THADA: variants seen among roughly 807,000 people sequenced by gnomAD.
THADA encodes the protein THADA armadillo repeat containing.
Under a neutral mutation model 219.8 loss-of-function variants are expected in THADA, and 213 were observed. The ratio of observed to expected loss-of-function variants is 0.97; its 90% CI spans 0.87 to 1.09. The LOEUF (loss-of-function observed/expected upper bound fraction) is 1.09. Among genes scored for constraint, THADA ranks in the 50% least tolerant of loss-of-function variants. The pLI, the probability that THADA is intolerant of heterozygous loss-of-function variation, is 0.00. For synonymous variants in THADA, 1,018 were observed against 828.9 expected, an observed-to-expected ratio of 1.23 and a Z score of -3.92; for missense variants, 2,956 against 2,311.3, an observed-to-expected ratio of 1.28 and a Z score of -5.72.
chr2:43,534,732 G>C (rs1482052089), intron 21 of THADA, among the ~76,000 whole-genome samples: 1 of 152,120 alleles, frequency 6.6e-6, no homozygotes, highest in African/African-American at 2.4e-5. Context: ...GGACACCCAG[G>C]TTGATTACGT....
At chr2:43,294,076 T>C (rs936876818) in intron 31 of THADA, among the ~76,000 whole-genome samples, 1 of 152,256 alleles carries the variant, frequency 6.6e-6, no homozygotes, top group African/African-American at 2.4e-5. Context: ...TTGTACTCAG[T>C]ACTTAAGCCA....
chr2:43,257,386 G>A (rs1319174065), intron 36 of THADA, among the ~76,000 whole-genome samples: 2 of 152,240 alleles, frequency 1.3e-5, no homozygotes, highest in Admixed American at 6.5e-5. Context: ...CTGCATAGGA[G>A]TCAGGCAATC....
Position 43,480,273 on chromosome 2 carries a change from G to C in THADA, c.3836+4961C>G, listed in dbSNP as rs71420053. Among the ~76,000 whole-genome samples, 1,346 of 152,254 alleles carry C rather than the reference G, an allele frequency of 8.8e-3. 11 individuals are homozygous for C. Among genetic ancestry groups the C allele is most frequent in the Middle Eastern group, 0.027 (8 of 294 alleles). On this transcript the variant is annotated intron_variant, in intron 26 of 37. Transcript: ENST00000405975. ...CGGCTAAGTTAGACATGTATAAAGG[G>C]TCTGGCATGGCCCACGCACTAAAGA...
intron 30 of THADA, among the ~76,000 whole-genome samples, chr2:43,334,269 G>T (rs917368268): frequency 2.0e-5 from 3 of 152,092 alleles, no homozygotes; most frequent in Non-Finnish European, 4.4e-5. Context: ...TGAGGGGGAT[G>T]GAGAAGCAGA....
chr2:43,353,523 C>T (rs868850676), intron 29 of THADA, among the ~76,000 whole-genome samples: 2 of 152,100 alleles, frequency 1.3e-5, no homozygotes, highest in South Asian at 2.1e-4. Context: ...GTTCGTTGCC[C>T]ATTTTTAAAT....
chr2:43,235,115 G>C (rs987206256), intron 36 of THADA, among the ~76,000 whole-genome samples: 1 of 151,334 alleles, frequency 6.6e-6, no homozygotes, highest in African/African-American at 2.4e-5. Context: ...GAGTAACTGG[G>C]ATTACAGGCT....
chr2:43,281,218 G>A (rs1360851287), intron 35 of THADA, among the ~76,000 whole-genome samples: 4 of 152,064 alleles, frequency 2.6e-5, no homozygotes, highest in African/African-American at 7.2e-5. Flanking sequence ...TTGGGGTTTC[G>A]TTCTCTTCTT....
chr2:43,351,528 T>G (rs914897462), intron 29 of THADA, among the ~76,000 whole-genome samples: 1 of 152,220 alleles, frequency 6.6e-6, no homozygotes, highest in African/African-American at 2.4e-5. Flanking sequence ...ACTCACTGTT[T>G]TTCTCTTCAG....
chr2:43,273,464 G>A (rs1672362181), intron 36 of THADA, among the ~76,000 whole-genome samples: 1 of 152,136 alleles, frequency 6.6e-6, no homozygotes, highest in Admixed American at 6.5e-5. Flanking sequence ...GCCAGGCTCT[G>A]GCACCACAGA....
rs1041526971 is a variant in THADA, at chr2:43,291,628, C to T, written c.5010+68G>A. The T allele has an allele frequency of 2.9e-5, 36 of 1,261,626 alleles. No homozygotes were observed. In the East Asian group the frequency reaches 6.7e-4, roughly 24 times the overall value. The allele number at this position is 1,261,626 out of a possible 1,614,324, so 78.2% of individuals were successfully genotyped here. On this transcript the variant is annotated intron_variant, in intron 34 of 37. Coordinates refer to ENST00000405975, the MANE Select transcript of THADA (RefSeq NM_022065.5). ...TGCCTGCTAAGACTGTTCACTTTTA[C>T]TGACATCTTCTGAGTAAATGAGAAC...
chr2:43,509,425 A>G (rs1008663202), intron 22 of THADA, among the ~76,000 whole-genome samples: 1 of 152,236 alleles, frequency 6.6e-6, no homozygotes, highest in Non-Finnish European at 1.5e-5. Context: ...ATGCCCTACT[A>G]GACTGTATAA....
At chr2:43,593,927 C>G (rs993783368) in intron 1 of THADA, among the ~76,000 whole-genome samples, 1 of 152,164 alleles carries the variant, frequency 6.6e-6, no homozygotes, top group African/African-American at 2.4e-5. Context: ...GCCACCGCGC[C>G]CAGCCTTAGA....
rs569498524 is a variant in THADA at position 43,535,125 on chromosome 2, C to A, written c.3264+6034G>T. ...TTGAACATTTTTTCATATATTTGTT[C>A]GTCATTTCTGTTTTTGAGAAATGTC... On this transcript the variant is annotated intron_variant, in intron 21 of 37. Coordinates refer to ENST00000405975, the MANE Select transcript of THADA (RefSeq NM_022065.5). 1.1e-3 allele frequency among the ~76,000 whole-genome samples: 137 copies of A among 129,092 alleles called. 1 individual carries two copies. Among genetic ancestry groups the A allele is most frequent in the Non-Finnish European group, 2.1e-3 (124 of 59,996 alleles). 84.7% of individuals were successfully genotyped at this position (129,092 alleles called of 152,430 possible).
At chr2:43,423,769 T>C (rs887043277) in intron 28 of THADA, among the ~76,000 whole-genome samples, 2 of 152,134 alleles carry the variant, frequency 1.3e-5, no homozygotes, top group African/African-American at 2.4e-5. Flanking sequence ...TGTGGTTACC[T>C]AGAGCTCTTT....
At chr2:43,455,809 A>G (rs1682923921) in intron 26 of THADA, among the ~76,000 whole-genome samples, 1 of 152,192 alleles carries the variant, frequency 6.6e-6, no homozygotes, top group Non-Finnish European at 1.5e-5. Context: ...CTTCTTCTCA[A>G]TTCAGCTATG....
At chr2:43,571,247 CTA>C (rs1439327430) in intron 13 of THADA, among the ~76,000 whole-genome samples, 3 of 144,072 alleles carry the variant, frequency 2.1e-5, no homozygotes, top group Non-Finnish European at 4.5e-5. Context: ...CAGAGCAAGA[CTA>C]TTTTTTTTTT....
At chr2:43,320,679 A>C (rs183239521) in intron 30 of THADA, 139 bp from the exon 31 acceptor site, 1 of 573,718 alleles carries the variant, frequency 1.7e-6, no homozygotes. Flanking sequence ...ATGATGTACA[A>C]TCATTGATGG....
rs753309055 is a variant in THADA at position 43,586,896 on chromosome 2, C to A, written c.409G>T (p.Val137Phe). 1 of 1,613,766 alleles carries A rather than the reference C, an allele frequency of 6.2e-7. No homozygotes were observed. The highest frequency in any genetic ancestry group is 1.3e-5 in the African/African-American group (1 of 74,906). The change falls in exon 5 of 38, where the codon GTT becomes TTT. Residue 137 changes from valine (V) to phenylalanine (F), a missense_variant. Physicochemically the swap from Val to Phe is conservative, Grantham distance 50. Coordinates refer to ENST00000405975, the MANE Select transcript of THADA (RefSeq NM_022065.5). Reference sequence around the variant, plus strand: ...ATACAGGAAGAAATATTGTCAGTAACTTTCCTGTAAGAGTATAAGTCAGTA... The same window carrying A: ...ATACAGGAAGAAATATTGTCAGTAAATTTCCTGTAAGAGTATAAGTCAGTA... ...NTTDLYSYRK[V>F]TDNISSCMEN...
chr2:43,411,461 A>T (rs1213707911), intron 28 of THADA, among the ~76,000 whole-genome samples: 1 of 152,196 alleles, frequency 6.6e-6, no homozygotes, highest in Non-Finnish European at 1.5e-5. Context: ...ATGATTTCGT[A>T]GTGGTTATTA....
Sources: gnomAD v4.1 joint callset for allele counts (sites outside exome capture counted in the v4.1 genomes callset) on GRCh38, gnomAD v4.1.1 for gene constraint, MANE v1.5 for transcripts, NCBI Gene and HGNC (gene_info 2026-07-23, HGNC 2026-07-21) for gene names.